Variants in NBAS observed in about 807,000 individuals in gnomAD.
NBAS encodes NBAS subunit of NRZ tethering complex, also known as NAG/BC035112 fusion.
NBAS carries 219 observed loss-of-function variants against 302.5 expected under a neutral mutation model. That is an observed-to-expected ratio of 0.72 (90% CI 0.65 to 0.81). NBAS has a LOEUF of 0.81. Among genes scored for constraint, NBAS ranks in the 30% least tolerant of loss-of-function variants. The pLI is 0.00. For missense variants in NBAS, 2,932 were observed against 2,841.6 expected, an observed-to-expected ratio of 1.03 and a Z score of -0.72; for synonymous variants, 1,118 against 1,021.6, an observed-to-expected ratio of 1.09 and a Z score of -1.80.
chr2:14,963,308 A>G, the NBAS span, among the ~76,000 whole-genome samples: 3 of 152,130 alleles, frequency 2.0e-5, no homozygotes, highest in African/African-American at 4.8e-5. Context: ...TAAAGTTCCT[A>G]TGGGAATACA....
intron 48 of NBAS, among the ~76,000 whole-genome samples, chr2:15,196,753 G>T (rs1665641296): frequency 6.6e-6 from 1 of 152,158 alleles, no homozygotes; most frequent in African/African-American, 2.4e-5. Context: ...ATCTGTTGGT[G>T]ATTATCACTT....
At position 15,463,788 on chromosome 2, in the gene NBAS, CAAAA is replaced by C. The variant is rs55808465; in HGVS notation, c.2098-2001_2098-1998del. Among the ~76,000 whole-genome samples, 264 of 91,644 alleles carry C rather than the reference CAAAA, an allele frequency of 2.9e-3. 5 individuals carry two copies. Among genetic ancestry groups the C allele is most frequent in the African/African-American group, 0.011 (246 of 23,030 alleles). The allele number at this position is 91,644 out of a possible 152,430, so 60.1% of individuals were successfully genotyped here. A position where few individuals can be genotyped will look rare whatever the true frequency, so the allele number is the denominator to read the frequency against. ...AATCCTCATTCAAATGAACCAAATG[CAAAA>C]AAAAAAAAAAAAAGCACCAGGAAAA... is the stretch of plus-strand genomic sequence containing the variant. On this transcript the variant is annotated intron_variant, in intron 19 of 51. Coordinates refer to ENST00000281513, the MANE Select transcript of NBAS (RefSeq NM_015909.4).
intron 36 of NBAS, among the ~76,000 whole-genome samples, chr2:15,330,167 G>C (rs562864127): frequency 1.3e-5 from 2 of 152,280 alleles, no homozygotes; most frequent in South Asian, 4.1e-4. Flanking sequence ...TGAGAATGCA[G>C]AGCAAACTCA....
At chr2:15,520,577 G>A (rs896249277) in intron 9 of NBAS, among the ~76,000 whole-genome samples, 3 of 151,688 alleles carry the variant, frequency 2.0e-5, no homozygotes, top group Non-Finnish European at 4.4e-5. Flanking sequence ...TGGGCCATAT[G>A]GTCTCGCACA....
At chr2:15,543,217 C>A (rs888752553) in intron 6 of NBAS, among the ~76,000 whole-genome samples, 9 of 152,154 alleles carry the variant, frequency 5.9e-5, no homozygotes, top group African/African-American at 1.9e-4. Context: ...CTCAAATCTG[C>A]CCGGTTGCCA....
chr2:15,340,791 C>T (rs945513855), intron 35 of NBAS, among the ~76,000 whole-genome samples: 4 of 152,018 alleles, frequency 2.6e-5, no homozygotes, highest in Admixed American at 6.6e-5. Flanking sequence ...AAAAACAAGA[C>T]GACCGAGATG....
the NBAS span, among the ~76,000 whole-genome samples, chr2:14,787,107 G>T: frequency 6.6e-6 from 1 of 152,014 alleles, no homozygotes; most frequent in South Asian, 2.1e-4. Context: ...ATCTTTGTTG[G>T]TTTAAAGTCT....
the NBAS span, among the ~76,000 whole-genome samples, chr2:14,973,262 C>T: frequency 9.2e-5 from 14 of 152,178 alleles, no homozygotes; most frequent in Non-Finnish European, 2.1e-4. Context: ...GACACCTAGT[C>T]CTAAAAAGTT....
chr2:15,243,764 G>A (rs1468873972), intron 44 of NBAS, among the ~76,000 whole-genome samples: 1 of 152,076 alleles, frequency 6.6e-6, no homozygotes, highest in Non-Finnish European at 1.5e-5. Context: ...TGTCCAGATC[G>A]GAAGCAGGAG....
At chr2:14,810,163 T>C in the NBAS span, among the ~76,000 whole-genome samples, 286 of 152,308 alleles carry the variant, frequency 1.9e-3, 1 homozygote, top group African/African-American at 6.6e-3. Context: ...GTTAATGCTG[T>C]AATGAGTTAA....
At position 15,450,793 on chromosome 2, in the gene NBAS, C is replaced by A. The variant is rs145660229; in HGVS notation, c.2339+10408G>T. Among the ~76,000 whole-genome samples the A allele has an allele frequency of 6.7e-3, 1,016 of 152,022 alleles. 11 individuals are homozygous for A. The highest frequency in any genetic ancestry group is 0.022 in the African/African-American group (926 of 41,490). On this transcript the variant is annotated intron_variant, in intron 21 of 51. Transcript: ENST00000281513. ...TGTTTAAACTTATTTTTCTTTTTTT[C>A]AGCATCAGGTTCATTTTTGATGCTT...
intron 21 of NBAS, among the ~76,000 whole-genome samples, chr2:15,444,006 A>G (rs1451947783): frequency 3.3e-5 from 5 of 151,702 alleles, no homozygotes; most frequent in Admixed American, 1.3e-4. Context: ...ATAAAAGAGG[A>G]TACAAACAAA....
the NBAS span, among the ~76,000 whole-genome samples, chr2:15,041,504 C>T: frequency 1.4e-4 from 21 of 152,298 alleles, no homozygotes; most frequent in East Asian, 4.1e-3. Context: ...GGAGGAGTCC[C>T]CAAGGGGGAG....
Position 15,461,280 on chromosome 2 carries a change from G to C in NBAS, c.2260C>G (p.Pro754Ala). 2 of 1,613,228 alleles carry C rather than the reference G, an allele frequency of 1.2e-6. No individual in the cohort carries two copies. The highest frequency in any genetic ancestry group is 1.1e-5 in the South Asian group (1 of 91,058). The change falls in exon 21 of 52, where the codon CCT becomes GCT. Residue 754 changes from proline to alanine, a missense_variant. By Grantham distance (27) the Pro-to-Ala change is conservative. Transcript: ENST00000281513. ...LFTYHGSDLL[P>A]HRLAILSNFP... ...TTGGACAGAATTGCAAGGCGATGAG[G>C]AAGCAGGTCGGAACCATGGTAAGTA...
intron 11 of NBAS, among the ~76,000 whole-genome samples, chr2:15,497,312 A>G (rs1681107444): frequency 6.6e-6 from 1 of 152,202 alleles, no homozygotes; most frequent in Non-Finnish European, 1.5e-5. Flanking sequence ...TGCTAGGGGA[A>G]CTGATTAAGT....
chr2:15,058,296 A>G, the NBAS span, among the ~76,000 whole-genome samples: 1 of 152,172 alleles, frequency 6.6e-6, no homozygotes, highest in African/African-American at 2.4e-5. Flanking sequence ...ACTGGCAGCT[A>G]GTGGGTAGAG....
At chr2:14,785,247 C>T in the NBAS span, among the ~76,000 whole-genome samples, 19 of 152,248 alleles carry the variant, frequency 1.2e-4, no homozygotes, top group South Asian at 2.1e-4. Context: ...TCTAGATATA[C>T]GATCATGTCA....
chr2:15,339,942 T>C (rs905305515), intron 35 of NBAS, among the ~76,000 whole-genome samples: 1 of 147,674 alleles, frequency 6.8e-6, no homozygotes, highest in Non-Finnish European at 1.5e-5. Context: ...AAAAAGCCAA[T>C]ATGACTAGAG....
At chr2:15,370,625 G>A (rs1264392527) in intron 31 of NBAS, among the ~76,000 whole-genome samples, 2 of 152,192 alleles carry the variant, frequency 1.3e-5, no homozygotes, top group Non-Finnish European at 2.9e-5. Context: ...CTTTGCATCA[G>A]TGTGCCCTGG....
Sources: gnomAD v4.1 joint callset for allele counts (sites outside exome capture counted in the v4.1 genomes callset) on GRCh38, gnomAD v4.1.1 for gene constraint, MANE v1.5 for transcripts, NCBI Gene and HGNC (gene_info 2026-07-23, HGNC 2026-07-21) for gene names.